MTHFD2L: variants seen among roughly 807,000 people sequenced by gnomAD.
MTHFD2L encodes methylenetetrahydrofolate dehydrogenase (NADP+ dependent) 2 like.
MTHFD2L carries 29 observed loss-of-function variants against 34.9 expected under a neutral mutation model. The observed-to-expected ratio is 0.83, with a 90% CI of 0.62 to 1.13. The LOEUF (loss-of-function observed/expected upper bound fraction) is 1.13, where lower values mean the gene tolerates loss of function less well. Among genes scored for constraint, MTHFD2L ranks in the 50% most tolerant of loss-of-function variants. MTHFD2L has a pLI of 0.00. For synonymous variants in MTHFD2L, 167 were observed against 155.7 expected (o/e 1.07, Z -0.54); for missense variants, 481 against 446.5 (o/e 1.08, Z -0.70).
intron 5 of MTHFD2L, among the ~76,000 whole-genome samples, chr4:74,204,751 A>C (rs901857064): frequency 4.6e-5 from 7 of 152,188 alleles, no homozygotes; most frequent in Admixed American, 1.3e-4. Flanking sequence ...ATTTTAAACT[A>C]GGTTATCCTG....
chr4:74,123,158 T>G (rs998701890), upstream of MTHFD2L: 1 of 152,160 alleles, frequency 6.6e-6, no homozygotes, highest in Non-Finnish European at 1.5e-5. Context: ...AGTTTCAAAG[T>G]GCATAGTGGC....
rs893668426 is a variant in MTHFD2L at position 74,237,012 on chromosome 4, C to T, written c.805+11618C>T. ...ATATCAGGCATAAAATATGCCTTTACATTTTGTAAAATTTAAATATGTTGT... is the reference window on the plus strand; with the variant it reads ...ATATCAGGCATAAAATATGCCTTTATATTTTGTAAAATTTAAATATGTTGT... On this transcript the variant is annotated intron_variant, in intron 6 of 7. Transcript: ENST00000325278. Among the ~76,000 whole-genome samples, 12 of 152,210 alleles carry T rather than the reference C, an allele frequency of 7.9e-5. No homozygotes were observed. In the Middle Eastern group the frequency reaches 0.014, roughly 173 times the overall value.
chr4:74,163,916 C>A (rs1407322637), intron 1 of MTHFD2L, among the ~76,000 whole-genome samples: 2 of 152,158 alleles, frequency 1.3e-5, no homozygotes, highest in African/African-American at 4.8e-5. Context: ...TGCTCTGTCA[C>A]CCAGGCTGGA....
chr4:74,163,647 G>C (rs972548553), intron 1 of MTHFD2L, among the ~76,000 whole-genome samples: 1 of 152,132 alleles, frequency 6.6e-6, no homozygotes, highest in Non-Finnish European at 1.5e-5. Flanking sequence ...ACACTTGCAG[G>C]TATTCATTTA....
chr4:74,152,714 C>T (rs930271029), intron 1 of MTHFD2L, among the ~76,000 whole-genome samples: 2 of 152,040 alleles, frequency 1.3e-5, no homozygotes, highest in East Asian at 1.9e-4. Flanking sequence ...GTGATGTTCC[C>T]CTCCCTGTAT....
chr4:74,281,337 G>GTA, intron 6 of MTHFD2L, 88 bp from the exon 7 acceptor site: 1 of 1,216,486 alleles, frequency 8.2e-7, no homozygotes, highest in Non-Finnish European at 1.2e-6. Flanking sequence ...GTGTGTGTGT[G>GTA]TGTGTGTGTG....
At chr4:74,119,806 T>C (rs989075571), upstream of MTHFD2L, among the ~76,000 whole-genome samples, 6 of 151,558 alleles carry the variant, frequency 4.0e-5, no homozygotes, top group South Asian at 4.2e-4. Flanking sequence ...AAAAACAAAA[T>C]ACCATGAGTC....
chr4:74,163,762 AAGACATCGAAG>A (rs1211286543), intron 1 of MTHFD2L, among the ~76,000 whole-genome samples: 3 of 152,232 alleles, frequency 2.0e-5, no homozygotes, highest in Non-Finnish European at 4.4e-5. Context: ...GTACAAACTC[AAGACATCGAAG>A]ATATGCCCTA....
chr4:74,249,347 C>T (rs28750531), intron 6 of MTHFD2L, among the ~76,000 whole-genome samples: 37,535 of 151,826 alleles, frequency 0.25, 4,841 homozygotes, highest in African/African-American at 0.31. Flanking sequence ...GATCTTCCTC[C>T]ATCCTTTTAT....
At chr4:74,123,608 G>A (rs1206401541), upstream of MTHFD2L, among the ~76,000 whole-genome samples, 1 of 151,852 alleles carries the variant, frequency 6.6e-6, no homozygotes, top group Admixed American at 6.6e-5. Context: ...TACCTTTGTG[G>A]GACTCTTCAG....
At chr4:74,174,182 T>A (rs1440862188) in intron 1 of MTHFD2L, among the ~76,000 whole-genome samples, 1 of 152,142 alleles carries the variant, frequency 6.6e-6, no homozygotes, top group Non-Finnish European at 1.5e-5. Flanking sequence ...TCTATCCTCA[T>A]GGTGTAATCA....
intron 5 of MTHFD2L, among the ~76,000 whole-genome samples, chr4:74,215,037 T>TA (rs1736961936): frequency 6.6e-6 from 1 of 151,668 alleles, no homozygotes; most frequent in Non-Finnish European, 1.5e-5. Flanking sequence ...AATGGTGGAC[T>TA]GCCCCCCTGC....
rs138327483 is a variant in MTHFD2L at position 74,238,604 on chromosome 4, C to A, written c.805+13210C>A. The stretch of plus-strand genomic sequence containing the variant: ...TGCAATCTACCCATCTGACAAAGGG[C>A]TAATATCCAGAATCTACAAGAAACT... On this transcript the variant is annotated intron_variant, in intron 6 of 7. Transcript: ENST00000325278. 6.2e-3 allele frequency among the ~76,000 whole-genome samples: 938 copies of A among 152,104 alleles called. 11 individuals carry two copies. Among genetic ancestry groups the A allele is most frequent in the African/African-American group, 0.022 (900 of 41,490 alleles).
chr4:74,171,798 C>G (rs977597), intron 1 of MTHFD2L, among the ~76,000 whole-genome samples: 118,976 of 152,004 alleles, frequency 0.78, 51,729 homozygotes, highest in Non-Finnish European at 0.96. Context: ...GACCCTGTCC[C>G]CCACAAAAAA....
At chr4:74,287,696 G>A (rs911733679) in intron 7 of MTHFD2L, among the ~76,000 whole-genome samples, 12 of 152,168 alleles carry the variant, frequency 7.9e-5, no homozygotes, top group African/African-American at 2.9e-4. Flanking sequence ...GCAGTGAGCC[G>A]AGATCGTGCC....
intron 6 of MTHFD2L, among the ~76,000 whole-genome samples, chr4:74,267,487 A>G (rs1186984501): frequency 1.3e-5 from 2 of 151,416 alleles, no homozygotes; most frequent in South Asian, 2.1e-4. Context: ...TGTAGCCTCA[A>G]TCCACCGCCC....
intron 1 of MTHFD2L, among the ~76,000 whole-genome samples, chr4:74,130,281 A>G (rs1441274711): frequency 6.6e-6 from 1 of 151,858 alleles, no homozygotes; most frequent in Non-Finnish European, 1.5e-5. Context: ...GAGACACAAC[A>G]AAAAAAAGAA....
chr4:74,247,874 C>A (rs905167927), intron 6 of MTHFD2L, among the ~76,000 whole-genome samples: 2 of 152,018 alleles, frequency 1.3e-5, no homozygotes, highest in African/African-American at 2.4e-5. Context: ...CTGCTGGATT[C>A]GGTTTGCCAG....
chr4:74,168,213 A>G (rs565237600), intron 1 of MTHFD2L, among the ~76,000 whole-genome samples: 14 of 152,250 alleles, frequency 9.2e-5, no homozygotes, highest in Non-Finnish European at 1.8e-4. Context: ...AGGGCCTTAT[A>G]TAATCTGATG....
Sources: gnomAD v4.1 joint callset for allele counts (sites outside exome capture counted in the v4.1 genomes callset) on GRCh38, gnomAD v4.1.1 for gene constraint, MANE v1.5 for transcripts, NCBI Gene and HGNC (gene_info 2026-07-23, HGNC 2026-07-21) for gene names.